CAMK4: variants seen among roughly 807,000 people sequenced by gnomAD.
CAMK4 encodes the protein calcium/calmodulin dependent protein kinase IV, also known as calcium/calmodulin-dependent protein kinase type IV.
In CAMK4, 22 loss-of-function variants were observed where a neutral mutation model predicts 44.9. That is an observed-to-expected ratio of 0.49 (90% confidence interval 0.35 to 0.70). CAMK4 has a LOEUF of 0.70. Among genes scored for constraint, CAMK4 ranks in the 30% least tolerant of loss-of-function variants. The pLI is 0.01. For synonymous variants in CAMK4, 218 were observed against 215.4 expected, an observed-to-expected ratio of 1.01 and a Z score of -0.11; for missense variants, 498 against 586.8, an observed-to-expected ratio of 0.85 and a Z score of 1.56.
At chr5:111,273,732 T>TAC (rs575947661) in intron 1 of CAMK4, among the ~76,000 whole-genome samples, 3 of 102,268 alleles carry the variant, frequency 2.9e-5, no homozygotes, top group East Asian at 3.1e-4. Context: ...CACACATACA[T>TAC]ACACACACAC....
chr5:111,330,305 T>C (rs1749110330), intron 1 of CAMK4, among the ~76,000 whole-genome samples: 1 of 151,464 alleles, frequency 6.6e-6, no homozygotes, highest in Non-Finnish European at 1.5e-5. Flanking sequence ...TAAAAGACTT[T>C]TACTAGGAAA....
chr5:111,270,281 G>T (rs980742041), intron 1 of CAMK4, among the ~76,000 whole-genome samples: 2 of 152,156 alleles, frequency 1.3e-5, no homozygotes, highest in Non-Finnish European at 2.9e-5. Flanking sequence ...TCCTCATTAA[G>T]GCTTTCACCA....
intron 7 of CAMK4, among the ~76,000 whole-genome samples, chr5:111,454,933 G>A (rs549957335): frequency 8.2e-4 from 124 of 152,116 alleles, no homozygotes; most frequent in Non-Finnish European, 1.5e-3. Context: ...TTTCATATTT[G>A]TACTTGTCTT....
intron 4 of CAMK4, among the ~76,000 whole-genome samples, chr5:111,381,699 A>G (rs1293013783): frequency 6.6e-6 from 1 of 152,114 alleles, no homozygotes; most frequent in East Asian, 1.9e-4. Flanking sequence ...CAATATTACC[A>G]TCACACCTGA....
intron 1 of CAMK4, among the ~76,000 whole-genome samples, chr5:111,319,411 T>C (rs1445404257): frequency 6.6e-6 from 1 of 152,210 alleles, no homozygotes; most frequent in Admixed American, 6.5e-5. Flanking sequence ...AACTGTGCTT[T>C]CTTTATCAGC....
At chr5:111,334,727 C>T (rs376326705) in intron 1 of CAMK4, among the ~76,000 whole-genome samples, 4 of 151,580 alleles carry the variant, frequency 2.6e-5, no homozygotes, top group East Asian at 3.9e-4. Context: ...TGCTTTTAAA[C>T]CTTTTCCCTA....
At chr5:111,229,375 A>G (rs1748353124) in intron 1 of CAMK4, among the ~76,000 whole-genome samples, 1 of 152,208 alleles carries the variant, frequency 6.6e-6, no homozygotes, top group African/African-American at 2.4e-5. Flanking sequence ...TCTTCTTACA[A>G]GTGCACTGAT....
chr5:111,243,815 A>T (rs1234031261), intron 1 of CAMK4, among the ~76,000 whole-genome samples: 1 of 152,210 alleles, frequency 6.6e-6, no homozygotes, highest in Non-Finnish European at 1.5e-5. Context: ...AATACTGAAG[A>T]TATTGTGACT....
intron 5 of CAMK4, among the ~76,000 whole-genome samples, chr5:111,417,547 AG>A (rs1752859850): frequency 6.6e-6 from 1 of 152,066 alleles, no homozygotes; most frequent in Non-Finnish European, 1.5e-5. Flanking sequence ...ATTGTAAAGA[AG>A]GGGTCTCATT....
intron 5 of CAMK4, among the ~76,000 whole-genome samples, chr5:111,411,169 T>C (rs1383880176): frequency 6.6e-6 from 1 of 152,208 alleles, no homozygotes; most frequent in African/African-American, 2.4e-5. Context: ...AGGAGACTTG[T>C]GTGTTCTCAC....
chr5:111,332,471 G>A (rs899273025), intron 1 of CAMK4, among the ~76,000 whole-genome samples: 1 of 151,216 alleles, frequency 6.6e-6, no homozygotes, highest in Non-Finnish European at 1.5e-5. Flanking sequence ...TCTTAATCCA[G>A]TCTATCATTG....
At position 111,392,072 on chromosome 5, in the gene CAMK4, A is replaced by T. The variant is rs189665547; in HGVS notation, c.387-2638A>T. Among the ~76,000 whole-genome samples the T allele has an allele frequency of 3.6e-3, 548 of 152,176 alleles. 1 individual carries two copies. The highest frequency in any genetic ancestry group is 5.7e-3 in the Non-Finnish European group (385 of 68,012). ...CTGTTCTTATTCTTCGTAATTTTTG[A>T]CAGCTATATATTGTATCTGTATTGT... On this transcript the variant is annotated intron_variant, in intron 4 of 10. Coordinates refer to ENST00000282356, the MANE Select transcript of CAMK4 (RefSeq NM_001744.6).
chr5:111,437,446 G>A (rs376020642), intron 5 of CAMK4, among the ~76,000 whole-genome samples: 2 of 152,336 alleles, frequency 1.3e-5, no homozygotes, highest in South Asian at 2.1e-4. Context: ...CTCTGTGAAG[G>A]AAATGTAGTA....
rs1283484009 is a variant in CAMK4 at position 111,487,555 on chromosome 5, A to C, written c.*3089A>C. 6.6e-6 allele frequency: 1 copy of C among 152,212 alleles called. No individual in the cohort carries two copies. Among genetic ancestry groups the C allele is most frequent in the African/African-American group, 2.4e-5 (1 of 41,450 alleles). The allele number at this position is 152,212 out of a possible 1,614,324, so 9.4% of individuals were successfully genotyped here. ...TTTCTATTAGTCACATTTTAAGAAA[A>C]ATAGATGAAAGTATAGTATTTTTAA... On this transcript the variant is annotated 3_prime_UTR_variant, in exon 11 of 11. Transcript: ENST00000282356.
intron 5 of CAMK4, among the ~76,000 whole-genome samples, chr5:111,441,278 AAT>A (rs1432020871): frequency 6.6e-6 from 1 of 152,202 alleles, no homozygotes; most frequent in Middle Eastern, 3.2e-3. Flanking sequence ...ATATATTAAA[AAT>A]ATGTTAGTCT....
chr5:111,239,867 C>A (rs1748908135), intron 1 of CAMK4, among the ~76,000 whole-genome samples: 1 of 152,194 alleles, frequency 6.6e-6, no homozygotes, highest in South Asian at 2.1e-4. Flanking sequence ...CTTAGTAATT[C>A]TCTGCTACTG....
At chr5:111,473,855 C>G (rs1755148650) in intron 8 of CAMK4, among the ~76,000 whole-genome samples, 1 of 151,996 alleles carries the variant, frequency 6.6e-6, no homozygotes, top group East Asian at 1.9e-4. Flanking sequence ...AATTTTGTTT[C>G]TTATTTCTGT....
intron 1 of CAMK4, among the ~76,000 whole-genome samples, chr5:111,289,131 G>C (rs1751348263): frequency 6.6e-6 from 1 of 152,186 alleles, no homozygotes. Flanking sequence ...TGGATCATCT[G>C]AGGTCAGGAG....
intron 2 of CAMK4, among the ~76,000 whole-genome samples, chr5:111,360,026 A>C (rs868522759): frequency 2.0e-5 from 3 of 152,048 alleles, no homozygotes; most frequent in Admixed American, 6.6e-5. Context: ...GTGTCAAATC[A>C]AAATTTACCC....
Sources: gnomAD v4.1 joint callset for allele counts (sites outside exome capture counted in the v4.1 genomes callset) on GRCh38, gnomAD v4.1.1 for gene constraint, MANE v1.5 for transcripts, NCBI Gene and HGNC (gene_info 2026-07-23, HGNC 2026-07-21) for gene names.